Variants in FAT3 observed in about 807,000 individuals in gnomAD.
FAT3 encodes the protein FAT atypical cadherin 3.
Under a neutral mutation model 310.2 loss-of-function variants are expected in FAT3, and 95 were observed. The ratio of observed to expected loss-of-function variants is 0.31; its 90% confidence interval spans 0.26 to 0.36. The LOEUF (loss-of-function observed/expected upper bound fraction) is 0.36. Among genes scored for constraint, FAT3 ranks in the 10% least tolerant of loss-of-function variants. The pLI is 1.00. For missense variants in FAT3, 5,408 were observed against 5,715.6 expected (o/e 0.95, Z 1.74); for synonymous variants, 2,314 against 2,192.9 (o/e 1.06, Z -1.54).
intron 13 of FAT3, among the ~76,000 whole-genome samples, chr11:92,826,820 G>C (rs918568496): frequency 2.0e-5 from 3 of 152,188 alleles, no homozygotes; most frequent in Admixed American, 1.3e-4. Context: ...GGCAATGAGA[G>C]ACATAGGAGT....
At chr11:92,616,873 C>T (rs529108745) in intron 3 of FAT3, among the ~76,000 whole-genome samples, 2 of 152,196 alleles carry the variant, frequency 1.3e-5, no homozygotes, top group South Asian at 2.1e-4. Context: ...TTCCGTTTGT[C>T]GGTAACCCCC....
chr11:92,312,302 C>T (rs1007440783), intron 1 of FAT3, among the ~76,000 whole-genome samples: 2 of 152,134 alleles, frequency 1.3e-5, no homozygotes, highest in Non-Finnish European at 2.9e-5. Flanking sequence ...GAAATGTTTT[C>T]GCAGTAGTCT....
intron 2 of FAT3, among the ~76,000 whole-genome samples, chr11:92,490,203 C>T (rs1489201277): frequency 1.3e-5 from 2 of 152,110 alleles, no homozygotes; most frequent in Non-Finnish European, 2.9e-5. Context: ...TTATATGCAG[C>T]TAATGATGAT....
intron 4 of FAT3, among the ~76,000 whole-genome samples, chr11:92,749,275 C>T (rs1473339461): frequency 6.6e-6 from 1 of 151,996 alleles, no homozygotes; most frequent in East Asian, 1.9e-4. Context: ...ATCGAGTTAA[C>T]ACACATACAC....
chr11:92,407,853 A>G (rs1950165816), intron 2 of FAT3, among the ~76,000 whole-genome samples: 1 of 152,172 alleles, frequency 6.6e-6, no homozygotes, highest in South Asian at 2.1e-4. Context: ...CATTTCATTC[A>G]TATGGATGTC....
Position 92,835,043 on chromosome 11 carries a change from G to T in FAT3, c.10045G>T (p.Val3349Phe), listed in dbSNP as rs548763904. ...GTTCAGCCAAGACGTCTACAGTGCG[G>T]TTATCAGTGAAGACGCCTTGGTGGG... ...PKFSQDVYSA[V>F]ISEDALVGDS... Residue 3349 changes from valine (V) to phenylalanine (F), a missense_variant, in exon 15 of 28, where the codon GTT becomes TTT. Transcript: ENST00000525166. 1 of 1,613,556 alleles carries T rather than the reference G, an allele frequency of 6.2e-7. No homozygotes were observed. The highest frequency in any genetic ancestry group is 8.5e-7 in the Non-Finnish European group (1 of 1,179,740).
chr11:92,432,651 G>A (rs577973372), intron 2 of FAT3, among the ~76,000 whole-genome samples: 109 of 152,260 alleles, frequency 7.2e-4, no homozygotes, highest in African/African-American at 2.5e-3. Context: ...GTTCCAGAGG[G>A]TCACCTACCA....
chr11:92,365,775 C>T (rs1949003301), intron 2 of FAT3, among the ~76,000 whole-genome samples: 1 of 152,166 alleles, frequency 6.6e-6, no homozygotes, highest in African/African-American at 2.4e-5. Context: ...TTCTAAAATA[C>T]ACAGCAGGAG....
intron 17 of FAT3, among the ~76,000 whole-genome samples, chr11:92,839,963 G>A (rs950683987): frequency 1.3e-5 from 2 of 152,200 alleles, no homozygotes; most frequent in Non-Finnish European, 2.9e-5. Context: ...TTGTCAAATG[G>A]AGGAATGTTT....
At chr11:92,235,271 T>A (rs529806718) in intron 1 of FAT3, among the ~76,000 whole-genome samples, 1 of 152,274 alleles carries the variant, frequency 6.6e-6, no homozygotes, top group Non-Finnish European at 1.5e-5. Context: ...TTGGCCCCTT[T>A]ATCTCTCCCA....
intron 15 of FAT3, among the ~76,000 whole-genome samples, chr11:92,835,804 A>C (rs1948391258): frequency 6.6e-6 from 1 of 152,194 alleles, no homozygotes; most frequent in African/African-American, 2.4e-5. Flanking sequence ...CCACTCTTAA[A>C]GGAGACTTTT....
chr11:92,550,948 C>T (rs542538206), intron 3 of FAT3, among the ~76,000 whole-genome samples: 2 of 151,620 alleles, frequency 1.3e-5, no homozygotes, highest in African/African-American at 4.8e-5. Context: ...TTTGGAAGCC[C>T]TCTTCTTCTT....
chr11:92,307,016 C>G (rs1051214362), intron 1 of FAT3, among the ~76,000 whole-genome samples: 32 of 151,110 alleles, frequency 2.1e-4, no homozygotes, highest in African/African-American at 7.8e-4. Context: ...AGGCTGATCT[C>G]CAACTCTTGG....
At chr11:92,647,663 C>A (rs1354700124) in intron 3 of FAT3, among the ~76,000 whole-genome samples, 1 of 152,052 alleles carries the variant, frequency 6.6e-6, no homozygotes, top group Non-Finnish European at 1.5e-5. Context: ...GATGTCAAGT[C>A]CAGTAAGATA....
intron 2 of FAT3, among the ~76,000 whole-genome samples, chr11:92,393,476 T>G (rs1949793319): frequency 6.6e-6 from 1 of 152,136 alleles, no homozygotes; most frequent in African/African-American, 2.4e-5. Flanking sequence ...CTGAACCATA[T>G]GTTCTCATCA....
In FAT3 at chr11:92,895,667, GA is replaced by G. The variant is rs1001080202; in HGVS notation, c.*4557del. On this transcript the variant is annotated 3_prime_UTR_variant, in exon 28 of 28. Transcript: ENST00000525166. ...ATTTTGGGAGTGGCAAATGTGTTTG[GA>G]AATGGAAGCAGTTCTTTTTAAGCAC... 8.5e-5 allele frequency: 13 copies of G among 152,182 alleles called. No homozygotes were observed. Among genetic ancestry groups the G allele is most frequent in the Non-Finnish European group, 1.5e-4 (10 of 68,032 alleles). 9.4% of individuals were successfully genotyped at this position (152,182 alleles called of 1,614,324 possible).
At chr11:92,522,965 C>T (rs1035845912) in intron 2 of FAT3, among the ~76,000 whole-genome samples, 4 of 152,172 alleles carry the variant, frequency 2.6e-5, no homozygotes, top group Non-Finnish European at 4.4e-5. Flanking sequence ...GCCTTCCCCT[C>T]TTGGAAAAGA....
chr11:92,546,602 A>C (rs1324399249), intron 3 of FAT3, among the ~76,000 whole-genome samples: 1 of 152,234 alleles, frequency 6.6e-6, no homozygotes, highest in Non-Finnish European at 1.5e-5. Context: ...CAATATTTAA[A>C]AAAATGACCG....
chr11:92,528,873 G>A lies in FAT3; in HGVS notation c.3607+3925G>A, dbSNP rs1053846944. ...GAACTCAATAAATGTTAACTATTAC[G>A]ATCATCATCATCATCCCGTATTTCC... On this transcript the variant is annotated intron_variant, in intron 3 of 27. Transcript: ENST00000525166. Among the ~76,000 whole-genome samples the A allele has an allele frequency of 2.0e-5, 3 of 152,134 alleles. No individual in the cohort carries two copies. In the South Asian group the frequency reaches 6.2e-4, roughly 32 times the overall value.
Sources: allele counts gnomAD v4.1 joint callset (sites outside exome capture counted in the v4.1 genomes callset), GRCh38; gene constraint gnomAD v4.1.1; transcripts MANE v1.5; gene names NCBI Gene and HGNC (gene_info 2026-07-23, HGNC 2026-07-21).